GRIA4: variants seen among roughly 807,000 people sequenced by gnomAD.
The protein encoded by GRIA4 is glutamate ionotropic receptor AMPA type subunit 4, also known as glutamate receptor 4.
A neutral mutation model predicts 104.0 loss-of-function variants in GRIA4; 34 were observed. The ratio of observed to expected loss-of-function variants is 0.33; its 90% CI spans 0.25 to 0.44. GRIA4 has a LOEUF of 0.44. Among genes scored for constraint, GRIA4 ranks in the 20% least tolerant of loss-of-function variants. GRIA4 has a pLI of 1.00. For missense variants in GRIA4, 750 were observed against 1,096.5 expected (o/e 0.68, Z 4.46); for synonymous variants, 386 against 381.9 (o/e 1.01, Z -0.13).
intron 4 of GRIA4, among the ~76,000 whole-genome samples, chr11:105,758,928 T>C (rs1263307000): frequency 1.3e-5 from 2 of 152,146 alleles, no homozygotes. Flanking sequence ...ATAGCACAGA[T>C]GTTGTCAGTA....
chr11:105,613,468 A>G (rs1018608185), intron 3 of GRIA4: 8 of 152,208 alleles, frequency 5.3e-5, no homozygotes, highest in African/African-American at 1.9e-4. Flanking sequence ...ATGTTTTCAC[A>G]GTTAATAAAA....
chr11:105,698,734 A>G (rs1953377785), intron 3 of GRIA4, among the ~76,000 whole-genome samples: 1 of 152,188 alleles, frequency 6.6e-6, no homozygotes, highest in South Asian at 2.1e-4. Context: ...ATAGCACATC[A>G]TATTGTTATC....
At chr11:105,839,523 C>T (rs1944315340) in intron 4 of GRIA4, among the ~76,000 whole-genome samples, 1 of 147,894 alleles carries the variant, frequency 6.8e-6, no homozygotes, top group Admixed American at 6.8e-5. Context: ...AAACGTTACT[C>T]TTCCTTACAA....
rs1039001528 is a variant in GRIA4 at position 105,714,647 on chromosome 11, C to G, written c.248-38334C>G. ...TTCAAATAATTATATTATTCAGATT[C>G]ACCAAGACCCTATATTGCTGAAACG... On this transcript the variant is annotated intron_variant, in intron 3 of 16. Coordinates refer to ENST00000282499, the MANE Select transcript of GRIA4 (RefSeq NM_000829.4). Among the ~76,000 whole-genome samples, 10 of 152,166 alleles carry G rather than the reference C, an allele frequency of 6.6e-5. No homozygotes were observed. In the East Asian group the frequency reaches 1.9e-3, roughly 29 times the overall value.
intron 3 of GRIA4, among the ~76,000 whole-genome samples, chr11:105,698,792 G>A (rs80072393): frequency 0.017 from 2,627 of 152,294 alleles, 73 homozygotes; most frequent in African/African-American, 0.059. Context: ...TCCACACGCA[G>A]GTGTGGCTGA....
intron 10 of GRIA4, among the ~76,000 whole-genome samples, chr11:105,916,835 C>CAA (rs1200616489): frequency 6.6e-6 from 1 of 152,136 alleles, no homozygotes; most frequent in East Asian, 1.9e-4. Flanking sequence ...GAAAAACTCT[C>CAA]AAACTTGTTA....
At position 105,710,799 on chromosome 11, in the gene GRIA4, T is replaced by G. The variant is rs575234280; in HGVS notation, c.248-42182T>G. 3.9e-5 allele frequency among the ~76,000 whole-genome samples: 6 copies of G among 152,258 alleles called. No homozygotes were observed. In the East Asian group the frequency reaches 1.2e-3, roughly 29 times the overall value. On this transcript the variant is annotated intron_variant, in intron 3 of 16. Coordinates refer to ENST00000282499, the MANE Select transcript of GRIA4 (RefSeq NM_000829.4). ...ATTCATGGAAAATTAACTGAAATAGTTGCAAAACCAAGTATGGTATCCAGT... is the reference window on the plus strand; with the variant it reads ...ATTCATGGAAAATTAACTGAAATAGGTGCAAAACCAAGTATGGTATCCAGT...
intron 3 of GRIA4, among the ~76,000 whole-genome samples, chr11:105,701,859 C>T (rs534795733): frequency 6.6e-6 from 1 of 151,976 alleles, no homozygotes; most frequent in African/African-American, 2.4e-5. Context: ...TAAAAGTAAA[C>T]GTTTTAATTT....
intron 4 of GRIA4, among the ~76,000 whole-genome samples, chr11:105,788,072 G>T (rs1160459635): frequency 1.3e-5 from 2 of 152,024 alleles, no homozygotes; most frequent in African/African-American, 2.4e-5. Flanking sequence ...ACAAAATAAT[G>T]TTCAATTAGA....
chr11:105,726,566 G>A lies in GRIA4; in HGVS notation c.248-26415G>A, dbSNP rs150621166. ...GCTAAGGGACAGACTTCTTCCTCAAGTGGGTCCCTGAACCTGATGTGGAGA... is the reference window on the plus strand; with the variant it reads ...GCTAAGGGACAGACTTCTTCCTCAAATGGGTCCCTGAACCTGATGTGGAGA... On this transcript the variant is annotated intron_variant, in intron 3 of 16. Transcript: ENST00000282499. Among the ~76,000 whole-genome samples, 635 of 152,270 alleles carry A rather than the reference G, an allele frequency of 4.2e-3. 7 individuals carry two copies. The highest frequency in any genetic ancestry group is 0.015 in the African/African-American group (606 of 41,574).
intron 3 of GRIA4, among the ~76,000 whole-genome samples, chr11:105,625,708 T>C (rs1950869903): frequency 6.6e-6 from 1 of 152,128 alleles, no homozygotes; most frequent in South Asian, 2.1e-4. Flanking sequence ...TATTTAGGCA[T>C]TGTACGTATA....
chr11:105,660,664 G>GA (rs920204527), intron 3 of GRIA4, among the ~76,000 whole-genome samples: 43 of 150,648 alleles, frequency 2.9e-4, no homozygotes, highest in Middle Eastern at 3.5e-3. Context: ...GAAAGAGACA[G>GA]AAAAAAAACA....
At chr11:105,657,651 A>G (rs1951883239) in intron 3 of GRIA4, among the ~76,000 whole-genome samples, 1 of 152,004 alleles carries the variant, frequency 6.6e-6, no homozygotes, top group South Asian at 2.1e-4. Context: ...ATCTTTCCCA[A>G]TCCCTTGGAA....
intron 4 of GRIA4, among the ~76,000 whole-genome samples, chr11:105,815,325 TC>T (rs370992106): frequency 3.9e-5 from 6 of 152,154 alleles, no homozygotes; most frequent in Non-Finnish European, 7.4e-5. Context: ...AATTTGCTGT[TC>T]CCCAAAACAA....
chr11:105,908,490 C>T (rs1947120481), intron 9 of GRIA4, among the ~76,000 whole-genome samples: 1 of 151,776 alleles, frequency 6.6e-6, no homozygotes, highest in Non-Finnish European at 1.5e-5. Flanking sequence ...ACTGACCCCT[C>T]ATGTGGACTT....
rs74332129 is a variant in GRIA4, at chr11:105,783,335, A to C, written c.487+30115A>C. Among the ~76,000 whole-genome samples, 283 of 152,352 alleles carry C rather than the reference A, an allele frequency of 1.9e-3. 8 individuals carry two copies. The East Asian group carries it at 0.04, about 22-fold the overall frequency. Reference sequence around the variant, plus strand: ...AAACACTTGGGAAAGTTGAAATACAAAATGAAGGGAACACAAAGTCACATA... The same window carrying C: ...AAACACTTGGGAAAGTTGAAATACACAATGAAGGGAACACAAAGTCACATA... On this transcript the variant is annotated intron_variant, in intron 4 of 16. Transcript: ENST00000282499.
intron 3 of GRIA4, among the ~76,000 whole-genome samples, chr11:105,641,518 T>A (rs976600265): frequency 2.6e-5 from 4 of 152,142 alleles, no homozygotes; most frequent in Non-Finnish European, 5.9e-5. Flanking sequence ...GAGGATATAT[T>A]TTTTAGTCTA....
chr11:105,871,128 C>G (rs1302082268), intron 5 of GRIA4, among the ~76,000 whole-genome samples: 2 of 151,908 alleles, frequency 1.3e-5, no homozygotes, highest in African/African-American at 4.8e-5. Context: ...GGGGAAGCCA[C>G]ACAATAAAGG....
chr11:105,649,730 A>G (rs921622813), intron 3 of GRIA4, among the ~76,000 whole-genome samples: 11 of 152,240 alleles, frequency 7.2e-5, no homozygotes, highest in Non-Finnish European at 1.3e-4. Flanking sequence ...TTTCAGAAAA[A>G]TAATTTTATT....
Sources: allele counts gnomAD v4.1 joint callset (sites outside exome capture counted in the v4.1 genomes callset), GRCh38; gene constraint gnomAD v4.1.1; transcripts MANE v1.5; gene names NCBI Gene and HGNC (gene_info 2026-07-23, HGNC 2026-07-21).